The following STX16 variants were observed in gnomAD, a reference collection of about 807,000 sequenced individuals.
STX16 encodes syntaxin-16.
In STX16, 28 loss-of-function variants were observed where a neutral mutation model predicts 42.7. That is an observed-to-expected ratio of 0.66 (90% CI 0.49 to 0.90). STX16 has a LOEUF of 0.90. Ranked by LOEUF, STX16 falls within the 40% of genes least tolerant of loss-of-function variation. The probability of loss-of-function intolerance (pLI) is 0.00; values close to 1 mark genes in which losing one functional copy is unlikely to be tolerated. For synonymous variants in STX16, 156 were observed against 155.2 expected, an observed-to-expected ratio of 1.00 and a Z score of -0.04; for missense variants, 361 against 420.9, an observed-to-expected ratio of 0.86 and a Z score of 1.24.
rs754524705 is a variant in STX16 at position 58,671,256 on chromosome 20, A to C, written c.751A>C (p.Asn251His). The change falls in exon 7 of 9, where the codon AAT (asparagine) becomes CAT (histidine). Residue 251 changes from asparagine to histidine, a missense_variant. By Grantham distance (68) the Asn-to-His change is moderately conservative. Coordinates refer to ENST00000371141, the MANE Select transcript of STX16 (RefSeq NM_001001433.3). ...RQIVQSISDL[N>H]EIFRDLGAMI... Reference sequence around the variant, plus strand: ...GATTGTACAGTCCATTTCTGACCTGAATGAAATATTCAGGGACTTAGGGGC... The same window carrying C: ...GATTGTACAGTCCATTTCTGACCTGCATGAAATATTCAGGGACTTAGGGGC... 83 of 1,613,670 alleles carry C rather than the reference A, an allele frequency of 5.1e-5. No individual in the cohort carries two copies. Among genetic ancestry groups the C allele is most frequent in the Admixed American group, 4.0e-4 (24 of 59,964 alleles).
chr20:58,676,387 C>T lies in STX16; in HGVS notation c.*96C>T, dbSNP rs576804719. 4 of 1,129,560 alleles carry T rather than the reference C, an allele frequency of 3.5e-6. No homozygotes were observed. Among genetic ancestry groups the T allele is most frequent in the Admixed American group, 1.8e-5 (1 of 56,394 alleles). The allele number at this position is 1,129,560 out of a possible 1,614,324, so 70.0% of individuals were successfully genotyped here. A position where few individuals can be genotyped will look rare whatever the true frequency, so the allele number is the denominator to read the frequency against. The stretch of plus-strand genomic sequence containing the variant: ...CCAGCTGCCCGCAGAGGTGCAGCCT[C>T]GAGGAATCTGAGGGCGTCGGGGCAG... On this transcript the variant is annotated 3_prime_UTR_variant, in exon 9 of 9. Transcript: ENST00000371141.
At chr20:58,659,717 T>C in intron 2 of STX16, 83 bp downstream of exon 2, 1 of 1,446,138 alleles carries the variant, frequency 6.9e-7, no homozygotes, top group African/African-American at 1.4e-5. Context: ...TGCTCATATA[T>C]AAAATGCTAA....
In STX16 at chr20:58,667,325, G is replaced by C. The variant is rs1213709562; in HGVS notation, c.145-165G>C. ...AAGCAAGTTTATAATACAGGCAAGT[G>C]CATTCACTCCTTTCTATATATTTTC... On this transcript the variant is annotated intron_variant, in intron 2 of 8. Coordinates refer to ENST00000371141, the MANE Select transcript of STX16 (RefSeq NM_001001433.3). 7.1e-6 allele frequency: 5 copies of C among 706,606 alleles called. No individual in the cohort carries two copies. The African/African-American group carries it at 8.7e-5, about 12-fold the overall frequency. The allele number at this position is 706,606 out of a possible 1,614,324, so 43.8% of individuals were successfully genotyped here.
rs1248970000 is a variant in STX16 at position 58,651,531 on chromosome 20, G to A, written c.-476G>A. 1.3e-5 allele frequency: 2 copies of A among 159,290 alleles called. No individual in the cohort carries two copies. Among genetic ancestry groups the A allele is most frequent in the African/African-American group, 4.8e-5 (2 of 41,508 alleles). The allele number at this position is 159,290 out of a possible 1,614,324, so 9.9% of individuals were successfully genotyped here. A position where few individuals can be genotyped will look rare whatever the true frequency, so the allele number is the denominator to read the frequency against. On this transcript the variant is annotated 5_prime_UTR_variant, in exon 1 of 9. Coordinates refer to ENST00000371141, the MANE Select transcript of STX16 (RefSeq NM_001001433.3). ...CAAAGAGGGCCTAGGCCAGGCCTCTGGTGCGGAAACTGAGTCACAGCCAGA... is the reference window on the plus strand; with the variant it reads ...CAAAGAGGGCCTAGGCCAGGCCTCTAGTGCGGAAACTGAGTCACAGCCAGA...
intron 1 of STX16, among the ~76,000 whole-genome samples, chr20:58,654,338 CAG>C (rs1424170957): frequency 6.6e-6 from 1 of 152,116 alleles, no homozygotes; most frequent in Non-Finnish European, 1.5e-5. Context: ...AAATAAAACA[CAG>C]ATTTATATAT....
rs560113016 is a variant in STX16, at chr20:58,652,374, C to G, written c.132+236C>G. 1.1e-4 allele frequency: 67 copies of G among 593,678 alleles called. 2 individuals carry two copies. Among genetic ancestry groups the G allele is most frequent in the African/African-American group, 2.7e-4 (14 of 52,826 alleles). 36.8% of individuals were successfully genotyped at this position (593,678 alleles called of 1,614,324 possible). On this transcript the variant is annotated intron_variant, in intron 1 of 8. Transcript: ENST00000371141. Reference sequence around the variant, plus strand: ...GTCTTCTCCTCACTTCCGCAGCACCCCCCCCCCCGCACCCCCCGCCTTGGC... The same window carrying G: ...GTCTTCTCCTCACTTCCGCAGCACCGCCCCCCCCGCACCCCCCGCCTTGGC...
chr20:58,663,088 C>G (rs2083738461), intron 2 of STX16, among the ~76,000 whole-genome samples: 1 of 152,154 alleles, frequency 6.6e-6, no homozygotes, highest in South Asian at 2.1e-4. Context: ...TTTTCAGTGT[C>G]CCTTCTGGGC....
Position 58,651,852 on chromosome 20 carries a change from A to G in STX16, c.-155A>G. 1.4e-6 allele frequency: 1 copy of G among 739,464 alleles called. No homozygotes were observed. Among genetic ancestry groups the G allele is most frequent in the Non-Finnish European group, 2.2e-6 (1 of 448,052 alleles). The allele number at this position is 739,464 out of a possible 1,614,324, so 45.8% of individuals were successfully genotyped here. A position where few individuals can be genotyped will look rare whatever the true frequency, so the allele number is the denominator to read the frequency against. Reference sequence around the variant, plus strand: ...GGGAGGGGTCTCTACGCCTTGGCGAAGCGCACAGCTGCATCTTTTTGGCTT... The same window carrying G: ...GGGAGGGGTCTCTACGCCTTGGCGAGGCGCACAGCTGCATCTTTTTGGCTT... On this transcript the variant is annotated 5_prime_UTR_variant, in exon 1 of 9. Transcript: ENST00000371141.
At chr20:58,663,761 T>C (rs1392727608) in intron 2 of STX16, among the ~76,000 whole-genome samples, 1 of 152,182 alleles carries the variant, frequency 6.6e-6, no homozygotes, top group Non-Finnish European at 1.5e-5. Context: ...CACTGCAACT[T>C]CTGCCTTCCG....
At chr20:58,654,239 C>A (rs2083538792) in intron 1 of STX16, among the ~76,000 whole-genome samples, 1 of 152,148 alleles carries the variant, frequency 6.6e-6, no homozygotes, top group Non-Finnish European at 1.5e-5. Flanking sequence ...GCAGTCATAT[C>A]ATTTAAAATA....
In STX16 at chr20:58,660,713, CTTTTTT is replaced by C. The variant is rs10706096; in HGVS notation, c.144+1100_144+1105del. 5.2e-4 allele frequency among the ~76,000 whole-genome samples: 37 copies of C among 70,740 alleles called. No individual in the cohort carries two copies. The East Asian group carries it at 0.02, about 38-fold the overall frequency. 46.4% of individuals were successfully genotyped at this position (70,740 alleles called of 152,430 possible). ...AGCATGGATAATATGATTCCTGCTC[CTTTTTT>C]TTTTTTTTTTTTTTTTTTTTCAGGA... On this transcript the variant is annotated intron_variant, in intron 2 of 8. Coordinates refer to ENST00000371141, the MANE Select transcript of STX16 (RefSeq NM_001001433.3).
chr20:58,666,326 C>T (rs1601024020), intron 2 of STX16, among the ~76,000 whole-genome samples: 1 of 151,926 alleles, frequency 6.6e-6, no homozygotes, highest in Admixed American at 6.6e-5. Context: ...CTGGAGGGCA[C>T]CTCAAAATCT....
In STX16 at chr20:58,663,096, G is replaced by T. The variant is rs543115713; in HGVS notation, c.144+3462G>T. ...CTGTTGATTTTCAGTGTCCCTTCTG[G>T]GCTTTCCAAGTGTTCATTGCCATAG... On this transcript the variant is annotated intron_variant, in intron 2 of 8. Transcript: ENST00000371141. Among the ~76,000 whole-genome samples the T allele has an allele frequency of 2.3e-3, 351 of 152,240 alleles. 1 individual carries two copies. The highest frequency in any genetic ancestry group is 8.1e-3 in the African/African-American group (335 of 41,524).
At chr20:58,665,293 C>T (rs759690702) in intron 2 of STX16, among the ~76,000 whole-genome samples, 4 of 152,194 alleles carry the variant, frequency 2.6e-5, no homozygotes, top group Non-Finnish European at 4.4e-5. Flanking sequence ...GGCGGCCTGT[C>T]CTATAGTGCC....
chr20:58,675,924 T>C (rs1169869229), intron 8 of STX16, among the ~76,000 whole-genome samples: 1 of 152,202 alleles, frequency 6.6e-6, no homozygotes, highest in African/African-American at 2.4e-5. Context: ...TTCACTTCCC[T>C]GTCAGGCTTT....
At chr20:58,672,258 G>T (rs1368466557) in intron 7 of STX16, among the ~76,000 whole-genome samples, 1 of 152,046 alleles carries the variant, frequency 6.6e-6, no homozygotes, top group Non-Finnish European at 1.5e-5. Flanking sequence ...CTTGAACCTG[G>T]GAGGTAGAGG....
intron 6 of STX16, 131 bp from the exon 7 acceptor site, chr20:58,671,023 G>A (rs1767753122): frequency 3.0e-6 from 3 of 991,750 alleles, no homozygotes; most frequent in Non-Finnish European, 4.2e-6. Context: ...ACTGTGCTTT[G>A]TAGAAATATT....
At chr20:58,668,457 TTA>T (rs1271808044) in intron 4 of STX16, among the ~76,000 whole-genome samples, 1 of 152,258 alleles carries the variant, frequency 6.6e-6, no homozygotes, top group East Asian at 1.9e-4. Flanking sequence ...CAATGCTAAA[TTA>T]TAGTCCTCAT....
chr20:58,659,250 T>C (rs145760728), intron 1 of STX16, among the ~76,000 whole-genome samples: 2 of 152,280 alleles, frequency 1.3e-5, no homozygotes, highest in African/African-American at 2.4e-5. Flanking sequence ...TGAGGGAAAA[T>C]AGAATGTGGT....
Sources: allele counts gnomAD v4.1 joint callset (sites outside exome capture counted in the v4.1 genomes callset), GRCh38; gene constraint gnomAD v4.1.1; transcripts MANE v1.5; gene names NCBI Gene and HGNC (gene_info 2026-07-23, HGNC 2026-07-21).